LRRC7: variants seen among roughly 807,000 people sequenced by gnomAD.
LRRC7 encodes leucine-rich repeat-containing protein 7.
LRRC7 carries 23 observed loss-of-function variants against 175.7 expected under a neutral mutation model. The ratio of observed to expected loss-of-function variants is 0.13; its 90% confidence interval spans 0.09 to 0.19. LRRC7 has a LOEUF of 0.19. LRRC7 is among the 10% of genes least tolerant of loss of function. The pLI, the probability that LRRC7 is intolerant of heterozygous loss-of-function variation, is 1.00. For synonymous variants in LRRC7, 685 were observed against 680.9 expected (o/e 1.01, Z -0.09); for missense variants, 1,354 against 1,904.7 (o/e 0.71, Z 5.38).
chr1:69,907,919 A>G (rs1322727115), intron 7 of LRRC7, among the ~76,000 whole-genome samples: 1 of 152,134 alleles, frequency 6.6e-6, no homozygotes, highest in Non-Finnish European at 1.5e-5. Context: ...TAAGCTATTG[A>G]TTATTGCCAC....
At chr1:70,026,600 T>G (rs531724536) in intron 17 of LRRC7, among the ~76,000 whole-genome samples, 2 of 152,218 alleles carry the variant, frequency 1.3e-5, no homozygotes, top group East Asian at 1.9e-4. Flanking sequence ...ACACTTTTTT[T>G]TCTGTCAATT....
chr1:69,702,328 G>A (rs1663459835), intron 2 of LRRC7, among the ~76,000 whole-genome samples: 1 of 152,134 alleles, frequency 6.6e-6, no homozygotes, highest in South Asian at 2.1e-4. Context: ...GCTCTCTTTT[G>A]GAACACAGCA....
chr1:70,076,360 G>A (rs543882749), intron 24 of LRRC7, 62 bp downstream of exon 24: 2 of 1,484,426 alleles, frequency 1.3e-6, no homozygotes, highest in South Asian at 1.2e-5. Flanking sequence ...AGAATCCATG[G>A]TTGGCCTTCC....
chr1:69,735,739 A>C (rs1668041578), intron 2 of LRRC7, among the ~76,000 whole-genome samples: 1 of 151,960 alleles, frequency 6.6e-6, no homozygotes, highest in Admixed American at 6.6e-5. Context: ...ATTTTTCTAC[A>C]TGGTATTAGC....
chr1:70,023,397 G>A, intron 17 of LRRC7, 23 bp downstream of exon 17: 1 of 1,535,900 alleles, frequency 6.5e-7, no homozygotes, highest in Non-Finnish European at 8.8e-7. Context: ...GTCTGGGGTA[G>A]GAGAATCTCC....
intron 7 of LRRC7, chr1:69,920,080 G>A: frequency 3.5e-6 from 1 of 287,344 alleles, no homozygotes; most frequent in Middle Eastern, 8.8e-4. Flanking sequence ...CAGCATGGGA[G>A]GGAGGCTCGC....
intron 1 of LRRC7, among the ~76,000 whole-genome samples, chr1:69,599,598 A>T (rs934648252): frequency 1.3e-5 from 2 of 152,230 alleles, no homozygotes; most frequent in Non-Finnish European, 2.9e-5. Flanking sequence ...GCAACATACT[A>T]TAAGTGAAAA....
Position 69,597,448 on chromosome 1 carries a change from A to G in LRRC7, c.2+28807A>G, listed in dbSNP as rs144167323. Among the ~76,000 whole-genome samples the G allele has an allele frequency of 2.7e-3, 411 of 152,322 alleles. 8 individuals are homozygous for G. Among genetic ancestry groups the G allele is most frequent in the Admixed American group, 0.018 (273 of 15,296 alleles). On this transcript the variant is annotated intron_variant, in intron 1 of 26. Coordinates refer to ENST00000651989, the MANE Select transcript of LRRC7 (RefSeq NM_001370785.2). Reference sequence around the variant, plus strand: ...AAAACAAAATAAAAAACCAATAAATAGTACTACTATTACATACGGTTTTCC... The same window carrying G: ...AAAACAAAATAAAAAACCAATAAATGGTACTACTATTACATACGGTTTTCC...
At chr1:69,769,052 CCAA>C (rs1225696227) in intron 3 of LRRC7, among the ~76,000 whole-genome samples, 1 of 152,084 alleles carries the variant, frequency 6.6e-6, no homozygotes, top group Non-Finnish European at 1.5e-5. Context: ...ACAAAAATAA[CCAA>C]CAATAGAAGG....
At chr1:70,004,362 C>A (rs140398801) in intron 11 of LRRC7, among the ~76,000 whole-genome samples, 1 of 152,226 alleles carries the variant, frequency 6.6e-6, no homozygotes, top group East Asian at 1.9e-4. Context: ...AAGAATGGAA[C>A]CTAAAACTTG....
chr1:69,855,158 A>T (rs530716472), intron 7 of LRRC7, among the ~76,000 whole-genome samples: 1 of 152,168 alleles, frequency 6.6e-6, no homozygotes, highest in Non-Finnish European at 1.5e-5. Flanking sequence ...AGAGGTTCTC[A>T]CTAGTGTAGT....
At chr1:69,683,259 G>C (rs1350543913) in intron 2 of LRRC7, among the ~76,000 whole-genome samples, 1 of 151,942 alleles carries the variant, frequency 6.6e-6, no homozygotes. Flanking sequence ...CTCTCAACTT[G>C]ACCTCCTACA....
rs145250160 is a variant in LRRC7 at position 69,677,281 on chromosome 1, A to G, written c.3-1100A>G. The stretch of plus-strand genomic sequence containing the variant: ...TATATATATCATATATGTATCATAC[A>G]TATCATATATATCCCACATTTTCTT... On this transcript the variant is annotated intron_variant, in intron 1 of 26. Coordinates refer to ENST00000651989, the MANE Select transcript of LRRC7 (RefSeq NM_001370785.2). 7.0e-3 allele frequency among the ~76,000 whole-genome samples: 892 copies of G among 127,900 alleles called. 10 individuals carry two copies. Among genetic ancestry groups the G allele is most frequent in the African/African-American group, 0.023 (836 of 36,354 alleles). 83.9% of individuals were successfully genotyped at this position (127,900 alleles called of 152,430 possible).
At chr1:69,828,656 TGG>T (rs1354532412) in intron 5 of LRRC7, among the ~76,000 whole-genome samples, 1 of 152,084 alleles carries the variant, frequency 6.6e-6, no homozygotes, top group Non-Finnish European at 1.5e-5. Context: ...ATGATAATCA[TGG>T]TTGTGCTAAG....
At position 69,625,758 on chromosome 1, in the gene LRRC7, C is replaced by T. The variant is rs971860717; in HGVS notation, c.3-52623C>T. Among the ~76,000 whole-genome samples the T allele has an allele frequency of 8.6e-5, 13 of 151,886 alleles. No homozygotes were observed. The South Asian group carries it at 1.5e-3, about 17-fold the overall frequency. On this transcript the variant is annotated intron_variant, in intron 1 of 26. Coordinates refer to ENST00000651989, the MANE Select transcript of LRRC7 (RefSeq NM_001370785.2). ...TTGTATTTTGAGTTCTTCTTTGATC[C>T]GGGGGCTGTTTAGAATACTTTTTTC...
At chr1:69,694,801 C>T (rs1662357808) in intron 2 of LRRC7, among the ~76,000 whole-genome samples, 1 of 152,054 alleles carries the variant, frequency 6.6e-6, no homozygotes, top group South Asian at 2.1e-4. Context: ...CTTTGACTTC[C>T]ACCATGATCA....
chr1:69,818,280 C>T (rs1183424899), intron 4 of LRRC7, among the ~76,000 whole-genome samples: 1 of 151,874 alleles, frequency 6.6e-6, no homozygotes, highest in African/African-American at 2.4e-5. Flanking sequence ...TGTTGAAGTA[C>T]ATTTCTTCTA....
At chr1:69,843,537 G>T (rs919523053) in intron 7 of LRRC7, among the ~76,000 whole-genome samples, 1 of 151,978 alleles carries the variant, frequency 6.6e-6, no homozygotes, top group Non-Finnish European at 1.5e-5. Context: ...CGTAAATGGT[G>T]TATCTATTAT....
chr1:69,839,667 T>C (rs764078028), intron 7 of LRRC7, among the ~76,000 whole-genome samples: 1 of 152,050 alleles, frequency 6.6e-6, no homozygotes, highest in African/African-American at 2.4e-5. Flanking sequence ...CCTAAATATA[T>C]ACATTTAGGT....
Sources: allele counts gnomAD v4.1 joint callset (sites outside exome capture counted in the v4.1 genomes callset), GRCh38; gene constraint gnomAD v4.1.1; transcripts MANE v1.5; gene names NCBI Gene and HGNC (gene_info 2026-07-23, HGNC 2026-07-21).